The following DNAH7 variants were observed in gnomAD, a reference collection of about 807,000 sequenced individuals.
The protein encoded by DNAH7 is axonemal beta dynein heavy chain 7.
DNAH7 carries 397 observed loss-of-function variants against 444.6 expected under a neutral mutation model. The ratio of observed to expected loss-of-function variants is 0.89; its 90% CI spans 0.82 to 0.97. DNAH7 has a LOEUF of 0.97. DNAH7 is among the 50% of genes least tolerant of loss of function. DNAH7 has a pLI of 0.00. For synonymous variants in DNAH7, 1,636 were observed against 1,624.4 expected, an observed-to-expected ratio of 1.01 and a Z score of -0.17; for missense variants, 4,902 against 4,800.8, an observed-to-expected ratio of 1.02 and a Z score of -0.62.
intron 21 of DNAH7, among the ~76,000 whole-genome samples, chr2:195,926,796 A>C (rs1271545539): frequency 1.3e-5 from 2 of 152,060 alleles, no homozygotes; most frequent in Admixed American, 6.6e-5. Flanking sequence ...CTGATGTACT[A>C]TCAATTTGTG....
chr2:196,043,231 T>A (rs1696883676), intron 5 of DNAH7, among the ~76,000 whole-genome samples: 3 of 151,408 alleles, frequency 2.0e-5, no homozygotes, highest in South Asian at 4.2e-4. Flanking sequence ...AAGCTTTTTT[T>A]AAAAAAAGGG....
intron 21 of DNAH7, among the ~76,000 whole-genome samples, chr2:195,932,726 T>G (rs916250236): frequency 7.2e-5 from 11 of 152,178 alleles, no homozygotes; most frequent in Non-Finnish European, 1.3e-4. Flanking sequence ...TACATTTATT[T>G]ATTTGTGTGT....
Position 196,020,305 on chromosome 2 carries a change from G to C in DNAH7, c.744-1010C>G, listed in dbSNP as rs185508173. 7.0e-4 allele frequency among the ~76,000 whole-genome samples: 106 copies of C among 152,142 alleles called. 1 individual carries two copies. The highest frequency in any genetic ancestry group is 2.4e-3 in the African/African-American group (101 of 41,510). On this transcript the variant is annotated intron_variant, in intron 8 of 64. Coordinates refer to ENST00000312428, the MANE Select transcript of DNAH7 (RefSeq NM_018897.3). ...TATAAAAATTATATGTGGTATAGGA[G>C]CTCAGTGGCCCTTACCCCCGTGTTA...
chr2:195,858,815 A>G lies in DNAH7; in HGVS notation c.7737-11T>C. 6.3e-7 allele frequency: 1 copy of G among 1,590,668 alleles called. No homozygotes were observed. The highest frequency in any genetic ancestry group is 8.6e-7 in the Non-Finnish European group (1 of 1,169,334). ...ATTTTCATTACTTCACTGGAAGGAA[A>G]TAGATAAAACAAAGTTAATCATGAG... On this transcript the variant is annotated splice_polypyrimidine_tract_variant and intron_variant, in intron 42 of 64. Transcript: ENST00000312428.
At chr2:195,762,852 C>A (rs920221416) in intron 61 of DNAH7, among the ~76,000 whole-genome samples, 1 of 152,052 alleles carries the variant, frequency 6.6e-6, no homozygotes, top group Non-Finnish European at 1.5e-5. Flanking sequence ...AAACATCAGA[C>A]TTAAACTGCA....
At chr2:195,882,045 T>A in intron 35 of DNAH7, 53 bp from the exon 36 acceptor site, 1 of 1,451,894 alleles carries the variant, frequency 6.9e-7, no homozygotes, top group East Asian at 2.3e-5. Flanking sequence ...TTTAAAAAGC[T>A]CTATACTCCT....
intron 50 of DNAH7, among the ~76,000 whole-genome samples, chr2:195,817,290 A>G (rs1223663662): frequency 6.6e-6 from 1 of 152,170 alleles, no homozygotes; most frequent in East Asian, 1.9e-4. Flanking sequence ...ATGTTACATG[A>G]CTTATACAGC....
intron 63 of DNAH7, among the ~76,000 whole-genome samples, chr2:195,748,443 T>G (rs556284514): frequency 6.6e-6 from 1 of 152,326 alleles, no homozygotes; most frequent in African/African-American, 2.4e-5. Context: ...GCTATCCCCA[T>G]CAAGCTACCA....
chr2:195,884,822 G>C lies in DNAH7; in HGVS notation c.5539-13C>G. On this transcript the variant is annotated splice_polypyrimidine_tract_variant and intron_variant, in intron 34 of 64. Coordinates refer to ENST00000312428, the MANE Select transcript of DNAH7 (RefSeq NM_018897.3). ...ACAGAAAAATGCCCTGCATTGGACA[G>C]ATGAGAAGATTAAGAACAATTAAAG... 1 of 1,589,152 alleles carries C rather than the reference G, an allele frequency of 6.3e-7. No homozygotes were observed.
chr2:196,037,008 C>T (rs1575075458), intron 5 of DNAH7, among the ~76,000 whole-genome samples: 1 of 152,140 alleles, frequency 6.6e-6, no homozygotes, highest in Non-Finnish European at 1.5e-5. Flanking sequence ...CAAATCCCTG[C>T]CAGTGCCCCC....
chr2:195,739,780 G>T (rs1692882978), intron 64 of DNAH7, among the ~76,000 whole-genome samples: 1 of 152,202 alleles, frequency 6.6e-6, no homozygotes, highest in Non-Finnish European at 1.5e-5. Flanking sequence ...GACATTTGCA[G>T]AGCATCAAAG....
At position 196,019,161 on chromosome 2, in the gene DNAH7, T is replaced by A. The variant is rs1695213286; in HGVS notation, c.869+9A>T. ...TTTTAAAAACCTCTATAAGGCCACA[T>A]ATACTCACTTAAAATTAGTGTGCCA... On this transcript the variant is annotated intron_variant, in intron 9 of 64. Transcript: ENST00000312428. 3 of 1,464,164 alleles carry A rather than the reference T, an allele frequency of 2.0e-6. No individual in the cohort carries two copies. The highest frequency in any genetic ancestry group is 2.7e-6 in the Non-Finnish European group (3 of 1,094,990). 90.7% of individuals were successfully genotyped at this position (1,464,164 alleles called of 1,614,324 possible). A position where few individuals can be genotyped will look rare whatever the true frequency, so the allele number is the denominator to read the frequency against.
rs193071881 is a variant in DNAH7 at position 195,966,034 on chromosome 2, T to C, written c.2205+3914A>G. ...CTCTTGCTTTTCTAGTTCCTTAAGG[T>C]GCATAATTAGATTTTTTTGTTTGTT... On this transcript the variant is annotated intron_variant, in intron 17 of 64. Coordinates refer to ENST00000312428, the MANE Select transcript of DNAH7 (RefSeq NM_018897.3). 2.6e-4 allele frequency among the ~76,000 whole-genome samples: 39 copies of C among 152,170 alleles called. 2 individuals carry two copies. In the East Asian group the frequency reaches 6.2e-3, roughly 24 times the overall value.
chr2:195,859,000 A>G (rs1699874876), intron 42 of DNAH7, among the ~76,000 whole-genome samples, 196 bp from the exon 43 acceptor site: 1 of 152,222 alleles, frequency 6.6e-6, no homozygotes. Context: ...AAGAGCAGAC[A>G]GCGTGTTTTA....
chr2:195,818,796 C>A (rs1328875542), intron 49 of DNAH7, among the ~76,000 whole-genome samples: 1 of 152,136 alleles, frequency 6.6e-6, no homozygotes, highest in Non-Finnish European at 1.5e-5. Flanking sequence ...TTGACCTTGG[C>A]TTCATTTGAA....
chr2:195,820,696 C>A (rs1447598950), intron 49 of DNAH7, among the ~76,000 whole-genome samples: 1 of 152,130 alleles, frequency 6.6e-6, no homozygotes, highest in Non-Finnish European at 1.5e-5. Flanking sequence ...TCGATCACAA[C>A]TTAACCTAAA....
At chr2:195,929,846 T>C (rs1688573352) in intron 21 of DNAH7, among the ~76,000 whole-genome samples, 1 of 152,080 alleles carries the variant, frequency 6.6e-6, no homozygotes, top group South Asian at 2.1e-4. Context: ...CAAAAGCAAT[T>C]GCAACAAAAA....
At chr2:195,742,670 T>C (rs564279804) in intron 63 of DNAH7, among the ~76,000 whole-genome samples, 1 of 152,352 alleles carries the variant, frequency 6.6e-6, no homozygotes, top group African/African-American at 2.4e-5. Context: ...GTGATGCCCT[T>C]TGCCATCTGT....
chr2:195,769,662 C>A (rs982911844), intron 61 of DNAH7, among the ~76,000 whole-genome samples: 6 of 152,050 alleles, frequency 3.9e-5, no homozygotes, highest in African/African-American at 1.4e-4. Flanking sequence ...ATTATGACTT[C>A]TGTTCGTAAG....
Sources: gnomAD v4.1 joint callset for allele counts (sites outside exome capture counted in the v4.1 genomes callset) on GRCh38, gnomAD v4.1.1 for gene constraint, MANE v1.5 for transcripts, NCBI Gene and HGNC (gene_info 2026-07-23, HGNC 2026-07-21) for gene names.